Variants in SNX24 observed in about 807,000 individuals in gnomAD.
SNX24 encodes the protein sorting nexin 24.
SNX24 carries 22 observed loss-of-function variants against 28.7 expected under a neutral mutation model. That is an observed-to-expected ratio of 0.77 (90% CI 0.55 to 1.10). The LOEUF (loss-of-function observed/expected upper bound fraction) is 1.10. Among genes scored for constraint, SNX24 ranks in the 50% least tolerant of loss-of-function variants. The pLI is 0.00. For synonymous variants in SNX24, 69 were observed against 71.5 expected (o/e 0.96, Z 0.18); for missense variants, 221 against 201.1 (o/e 1.10, Z -0.60).
rs917982310 is a variant in SNX24 at position 122,879,866 on chromosome 5, T to C, written c.60+34173T>C. ...TAAATGACATTTTATAGCTATGTTATAGGGTTGTTGCAAAAACTGAATGTA... is the reference window on the plus strand; with the variant it reads ...TAAATGACATTTTATAGCTATGTTACAGGGTTGTTGCAAAAACTGAATGTA... On this transcript the variant is annotated intron_variant, in intron 1 of 6. Coordinates refer to ENST00000261369, the MANE Select transcript of SNX24 (RefSeq NM_014035.4). Among the ~76,000 whole-genome samples, 33 of 152,168 alleles carry C rather than the reference T, an allele frequency of 2.2e-4. 1 individual carries two copies. Among genetic ancestry groups the C allele is most frequent in the Admixed American group, 2.2e-3 (33 of 15,276 alleles).
intron 1 of SNX24, among the ~76,000 whole-genome samples, chr5:122,858,314 C>T (rs754615814): frequency 1.3e-5 from 2 of 152,168 alleles, no homozygotes; most frequent in Non-Finnish European, 2.9e-5. Context: ...AAAGTGAGCA[C>T]ATGCTATTGG....
At chr5:122,869,193 C>T (rs978913650) in intron 1 of SNX24, among the ~76,000 whole-genome samples, 11 of 152,188 alleles carry the variant, frequency 7.2e-5, no homozygotes, top group African/African-American at 2.2e-4. Flanking sequence ...AGCTTCCAAA[C>T]TATTGAGCCT....
At chr5:122,854,237 A>G in intron 1 of SNX24, among the ~76,000 whole-genome samples, 1 of 152,108 alleles carries the variant, frequency 6.6e-6, no homozygotes, top group Non-Finnish European at 1.5e-5. Context: ...GGCCGGGTGC[A>G]GTAGCTCACG....
chr5:122,910,107 T>C (rs996838495), intron 1 of SNX24, among the ~76,000 whole-genome samples: 1 of 152,120 alleles, frequency 6.6e-6, no homozygotes, highest in Non-Finnish European at 1.5e-5. Flanking sequence ...GTTAAGACAA[T>C]CACCAGAGAT....
chr5:122,924,721 A>T (rs1462670201), intron 1 of SNX24, among the ~76,000 whole-genome samples: 1 of 152,106 alleles, frequency 6.6e-6, no homozygotes, highest in African/African-American at 2.4e-5. Context: ...TATTTACTCC[A>T]TCACCAGACC....
chr5:122,932,489 G>T (rs1435164490), intron 1 of SNX24, among the ~76,000 whole-genome samples: 1 of 152,134 alleles, frequency 6.6e-6, no homozygotes, highest in African/African-American at 2.4e-5. Flanking sequence ...AAATAAACAG[G>T]TAGGTCAGGC....
chr5:122,906,086 G>C (rs1260608893), intron 1 of SNX24, among the ~76,000 whole-genome samples: 2 of 152,200 alleles, frequency 1.3e-5, no homozygotes, highest in African/African-American at 2.4e-5. Flanking sequence ...AGAACCTGCA[G>C]GTAAAGTGTT....
chr5:122,905,694 C>A lies in SNX24; in HGVS notation c.61-31040C>A, dbSNP rs376793991. Among the ~76,000 whole-genome samples the A allele has an allele frequency of 1.1e-4, 16 of 152,348 alleles. 2 individuals carry two copies. The highest frequency in any genetic ancestry group is 3.9e-4 in the East Asian group (2 of 5,190). Reference sequence around the variant, plus strand: ...ACACCTGATTGGAGATCTGTCCAAACTTCCTGAGCACTAGTTCAAGATCCT... The same window carrying A: ...ACACCTGATTGGAGATCTGTCCAAAATTCCTGAGCACTAGTTCAAGATCCT... On this transcript the variant is annotated intron_variant, in intron 1 of 6. Coordinates refer to ENST00000261369, the MANE Select transcript of SNX24 (RefSeq NM_014035.4).
intron 1 of SNX24, among the ~76,000 whole-genome samples, chr5:122,873,309 G>A (rs1756068408): frequency 6.6e-6 from 1 of 152,014 alleles, no homozygotes; most frequent in Admixed American, 6.6e-5. Flanking sequence ...TGCAGTCAGG[G>A]TTTGCTTCTT....
intron 1 of SNX24, among the ~76,000 whole-genome samples, chr5:122,911,241 G>A (rs28794022): frequency 8.5e-5 from 13 of 152,116 alleles, no homozygotes; most frequent in Non-Finnish European, 1.6e-4. Context: ...ATTTTTTCAT[G>A]TGTCTTTTGG....
intron 1 of SNX24, among the ~76,000 whole-genome samples, chr5:122,851,472 C>T (rs888995191): frequency 2.6e-5 from 4 of 152,142 alleles, no homozygotes; most frequent in Non-Finnish European, 5.9e-5. Context: ...CAGACTTAGA[C>T]TTCAGTTTTT....
intron 3 of SNX24, among the ~76,000 whole-genome samples, chr5:122,965,230 CCAA>C (rs1261115617): frequency 3.3e-5 from 5 of 152,188 alleles, no homozygotes; most frequent in East Asian, 1.9e-4. Context: ...GAACAGTGTT[CCAA>C]CAACAAGGGA....
At chr5:123,000,648 A>C (rs923555865) in intron 4 of SNX24, among the ~76,000 whole-genome samples, 3 of 152,316 alleles carry the variant, frequency 2.0e-5, no homozygotes, top group South Asian at 2.1e-4. Context: ...TGATATCATC[A>C]GCAATTAGGA....
At chr5:122,897,250 G>A (rs1321338145) in intron 1 of SNX24, among the ~76,000 whole-genome samples, 1 of 151,980 alleles carries the variant, frequency 6.6e-6, no homozygotes, top group Non-Finnish European at 1.5e-5. Flanking sequence ...CAAAATTATG[G>A]CAATTTTTTT....
At position 123,007,875 on chromosome 5, in the gene SNX24, C is replaced by T. The variant is rs1261397032; in HGVS notation, c.*126C>T. On this transcript the variant is annotated 3_prime_UTR_variant, in exon 7 of 7. Coordinates refer to ENST00000261369, the MANE Select transcript of SNX24 (RefSeq NM_014035.4). ...TCTAGCTAGTGGTAAAGTGCACAGT[C>T]CCAGCTTAATTCAGGGCAGGGACAT... is the stretch of plus-strand genomic sequence containing the variant. 3 of 1,488,134 alleles carry T rather than the reference C, an allele frequency of 2.0e-6. No homozygotes were observed. Among genetic ancestry groups the T allele is most frequent in the East Asian group, 4.9e-5 (2 of 40,894 alleles). The allele number at this position is 1,488,134 out of a possible 1,614,324, so 92.2% of individuals were successfully genotyped here.
intron 1 of SNX24, among the ~76,000 whole-genome samples, chr5:122,898,543 G>A (rs886753607): frequency 1.3e-5 from 2 of 152,160 alleles, no homozygotes; most frequent in African/African-American, 2.4e-5. Context: ...TTTGTGTATA[G>A]GCAGAGCTCA....
intron 1 of SNX24, among the ~76,000 whole-genome samples, chr5:122,915,373 C>T (rs1306994546): frequency 6.6e-6 from 1 of 152,172 alleles, no homozygotes; most frequent in Non-Finnish European, 1.5e-5. Context: ...TTCCTGTAAG[C>T]CCAGCAACTT....
At chr5:122,993,237 C>T (rs145853238) in intron 3 of SNX24, among the ~76,000 whole-genome samples, 5 of 151,482 alleles carry the variant, frequency 3.3e-5, no homozygotes, top group African/African-American at 1.2e-4. Context: ...TTCTTCAGAG[C>T]ACATCTGATT....
intron 3 of SNX24, among the ~76,000 whole-genome samples, chr5:122,980,370 T>C (rs1284634673): frequency 6.6e-6 from 1 of 152,152 alleles, no homozygotes; most frequent in East Asian, 1.9e-4. Context: ...AAATGTTTTA[T>C]TGTATGCTAT....
Sources: allele counts gnomAD v4.1 joint callset (sites outside exome capture counted in the v4.1 genomes callset), GRCh38; gene constraint gnomAD v4.1.1; transcripts MANE v1.5; gene names NCBI Gene and HGNC (gene_info 2026-07-23, HGNC 2026-07-21).